Variants in AAK1 observed in about 807,000 individuals in gnomAD.
The protein encoded by AAK1 is AP2-associated protein kinase 1.
AAK1 carries 37 observed loss-of-function variants against 116.0 expected under a neutral mutation model. That is an observed-to-expected ratio of 0.32 (90% CI 0.25 to 0.42). The LOEUF is 0.42. AAK1 is among the 10% of genes least tolerant of loss of function. The pLI, the probability that AAK1 is intolerant of heterozygous loss-of-function variation, is 1.00. For missense variants in AAK1, 919 were observed against 1,170.6 expected (o/e 0.79, Z 3.14); for synonymous variants, 458 against 439.9 (o/e 1.04, Z -0.51).
intron 3 of AAK1, among the ~76,000 whole-genome samples, chr2:69,549,480 A>T (rs1168525652): frequency 6.6e-6 from 1 of 152,226 alleles, no homozygotes; most frequent in Non-Finnish European, 1.5e-5. Context: ...CATGGTTTTT[A>T]AGACCATTTT....
At chr2:69,537,427 T>G (rs900892661) in intron 5 of AAK1, among the ~76,000 whole-genome samples, 1 of 152,204 alleles carries the variant, frequency 6.6e-6, no homozygotes, top group Non-Finnish European at 1.5e-5. Context: ...GTTCTGCATG[T>G]GAACCAGCAG....
intron 16 of AAK1, among the ~76,000 whole-genome samples, chr2:69,505,138 CA>C (rs1676134661): frequency 1.1e-4 from 4 of 37,422 alleles, no homozygotes; most frequent in African/African-American, 1.4e-4. Context: ...CACACACCCA[CA>C]CACACACACA....
intron 10 of AAK1, among the ~76,000 whole-genome samples, chr2:69,523,083 A>G (rs570926517): frequency 1.1e-4 from 16 of 152,252 alleles, no homozygotes; most frequent in Non-Finnish European, 2.2e-4. Context: ...TGTGAACATC[A>G]AATGTTATCA....
chr2:69,639,189 ATGT>A (rs1675588830), intron 2 of AAK1, among the ~76,000 whole-genome samples: 3 of 152,226 alleles, frequency 2.0e-5, no homozygotes, highest in Admixed American at 6.5e-5. Context: ...TAGTTCCAGA[ATGT>A]TGTCTTCAAC....
rs761949024 is a variant in AAK1 at position 69,469,553 on chromosome 2, C to T, written c.*6316G>A. On this transcript the variant is annotated 3_prime_UTR_variant, in exon 22 of 22. Transcript: ENST00000409085. ...TACTAACCTAACCACATGCCTTGACCCAGTTCCTTTGGTAACCAATGGCAC... is the reference window on the plus strand; with the variant it reads ...TACTAACCTAACCACATGCCTTGACTCAGTTCCTTTGGTAACCAATGGCAC... 249 of 985,252 alleles carry T rather than the reference C, an allele frequency of 2.5e-4. 1 individual carries two copies. Among genetic ancestry groups the T allele is most frequent in the Admixed American group, 1.3e-3 (21 of 16,262 alleles). 61.0% of individuals were successfully genotyped at this position (985,252 alleles called of 1,614,324 possible). A position where few individuals can be genotyped will look rare whatever the true frequency, so the allele number is the denominator to read the frequency against.
At chr2:69,490,164 T>C (rs1365947750) in intron 17 of AAK1, among the ~76,000 whole-genome samples, 1 of 152,236 alleles carries the variant, frequency 6.6e-6, no homozygotes, top group Non-Finnish European at 1.5e-5. Flanking sequence ...AGATCAGTAC[T>C]GCAGACTTGT....
intron 2 of AAK1, among the ~76,000 whole-genome samples, chr2:69,613,347 T>C (rs1674170590): frequency 1.3e-5 from 2 of 152,152 alleles, no homozygotes; most frequent in Non-Finnish European, 2.9e-5. Flanking sequence ...GGAGCATCTT[T>C]TGTTAATATT....
intron 21 of AAK1, among the ~76,000 whole-genome samples, chr2:69,476,669 T>TA (rs1393358414): frequency 3.9e-5 from 6 of 152,206 alleles, no homozygotes; most frequent in African/African-American, 1.4e-4. Flanking sequence ...GGCCAACTGT[T>TA]AAAGACTTCT....
In AAK1 at chr2:69,465,496, T is replaced by A. The variant is rs2104858978; in HGVS notation, c.*10373A>T. On this transcript the variant is annotated 3_prime_UTR_variant, in exon 22 of 22. Transcript: ENST00000409085. ...GGATCAGCAGCTGGCAGCTCCGTAG[T>A]CCTGGAGGAAAGGGATGTGATAGAA... 1 of 1,290,928 alleles carries A rather than the reference T, an allele frequency of 7.7e-7. No homozygotes were observed. The allele number at this position is 1,290,928 out of a possible 1,614,324, so 80.0% of individuals were successfully genotyped here.
intron 15 of AAK1, 56 bp from the exon 16 acceptor site, chr2:69,505,729 C>T: frequency 7.1e-7 from 1 of 1,403,698 alleles, no homozygotes. Context: ...GAGGCACACA[C>T]ACATGGCAGA....
intron 14 of AAK1, among the ~76,000 whole-genome samples, chr2:69,508,481 C>T (rs1454085486): frequency 6.6e-6 from 1 of 152,210 alleles, no homozygotes; most frequent in Non-Finnish European, 1.5e-5. Context: ...ACTGCATTTA[C>T]TCAACACTCA....
chr2:69,600,010 G>C (rs1398408542), intron 2 of AAK1, among the ~76,000 whole-genome samples: 1 of 148,450 alleles, frequency 6.7e-6, no homozygotes, highest in Non-Finnish European at 1.5e-5. Flanking sequence ...TTGAACTCCT[G>C]GGCTCAAGGG....
chr2:69,629,893 T>C (rs1321116122), intron 2 of AAK1, among the ~76,000 whole-genome samples: 1 of 151,932 alleles, frequency 6.6e-6, no homozygotes, highest in Non-Finnish European at 1.5e-5. Context: ...AAAGTTAAGA[T>C]AGCCAGCAAA....
At chr2:69,587,362 T>C (rs76897159) in intron 2 of AAK1, among the ~76,000 whole-genome samples, 5,694 of 127,768 alleles carry the variant, frequency 0.045, 326 homozygotes, top group African/African-American at 0.17. Flanking sequence ...TATACACATA[T>C]GCGTGTACAC....
chr2:69,595,793 A>G (rs1344564750), intron 2 of AAK1, among the ~76,000 whole-genome samples: 1 of 152,256 alleles, frequency 6.6e-6, no homozygotes, highest in Non-Finnish European at 1.5e-5. Flanking sequence ...AGAAGATGCC[A>G]TCTAAGACTT....
intron 2 of AAK1, among the ~76,000 whole-genome samples, chr2:69,629,696 A>G (rs984685679): frequency 5.3e-5 from 8 of 152,348 alleles, no homozygotes; most frequent in Middle Eastern, 3.4e-3. Context: ...AGTTTTAATT[A>G]GTACTGATTT....
At chr2:69,500,664 A>AATATACATAT (rs1553410371) in intron 16 of AAK1, among the ~76,000 whole-genome samples, 1 of 60,840 alleles carries the variant, frequency 1.6e-5, no homozygotes, top group Admixed American at 2.1e-4. Context: ...AGTCCCTTAA[A>AATATACATAT]ATATATATAT....
At chr2:69,619,959 A>C (rs1329118524) in intron 2 of AAK1, among the ~76,000 whole-genome samples, 2 of 152,202 alleles carry the variant, frequency 1.3e-5, no homozygotes, top group Non-Finnish European at 2.9e-5. Flanking sequence ...TTTTACTCTG[A>C]GATGGGGAAT....
rs1210904308 is a variant in AAK1 at position 69,482,828 on chromosome 2, A to G, written c.2366-16T>C. ...ATTAGTTTTTCTACGTTGGGCAGAG[A>G]GACAAAAAGAAAGCAAAAATGTAGT... On this transcript the variant is annotated splice_polypyrimidine_tract_variant and intron_variant, in intron 17 of 21. Transcript: ENST00000409085. 1.3e-6 allele frequency: 2 copies of G among 1,555,968 alleles called. No individual in the cohort carries two copies. Among genetic ancestry groups the G allele is most frequent in the African/African-American group, 1.4e-5 (1 of 73,560 alleles).
Sources: allele counts gnomAD v4.1 joint callset (sites outside exome capture counted in the v4.1 genomes callset), GRCh38; gene constraint gnomAD v4.1.1; transcripts MANE v1.5; gene names NCBI Gene and HGNC (gene_info 2026-07-23, HGNC 2026-07-21).